The following FRMPD4 variants were observed in gnomAD, a reference collection of about 807,000 sequenced individuals.
FRMPD4 encodes FERM and PDZ domain-containing protein 4.
FRMPD4 carries 22 observed loss-of-function variants against 94.1 expected under a neutral mutation model. That is an observed-to-expected ratio of 0.23 (90% CI 0.17 to 0.33). The LOEUF is 0.33. FRMPD4 is among the 10% of genes least tolerant of loss of function. The pLI, the probability that FRMPD4 is intolerant of heterozygous loss-of-function variation, is 1.00. For synonymous variants in FRMPD4, 631 were observed against 548.6 expected, an observed-to-expected ratio of 1.15 and a Z score of -2.10; for missense variants, 1,111 against 1,339.9, an observed-to-expected ratio of 0.83 and a Z score of 2.67.
At position 12,724,378 on chromosome X, in the gene FRMPD4, T is replaced by G. The variant is rs953757684; in HGVS notation, c.*2520T>G. ...GGCTCCTAACTGGGGTCCAGGTCCA[T>G]AGAGTGTAGGAAGAACATATTAGAA... On this transcript the variant is annotated 3_prime_UTR_variant, in exon 17 of 17. Transcript: ENST00000675598. The G allele has an allele frequency of 1.8e-5, 2 of 112,199 alleles. No individual in the cohort carries two copies. Among genetic ancestry groups the G allele is most frequent in the Non-Finnish European group, 3.8e-5 (2 of 53,208 alleles). The allele number at this position is 112,199 out of a possible 1,213,427, so 9.2% of individuals were successfully genotyped here.
At chrX:11,966,596 C>A (rs946770580) in intron 3 of FRMPD4, among the ~76,000 whole-genome samples, 3 of 111,577 alleles carry the variant, frequency 2.7e-5, no homozygotes, top group Non-Finnish European at 5.6e-5. Context: ...GAAAAGATAA[C>A]ATGGTTGTGT....
chrX:12,613,216 G>C (rs752302541), intron 3 of FRMPD4, among the ~76,000 whole-genome samples: 5 of 112,024 alleles, frequency 4.5e-5, no homozygotes, highest in Non-Finnish European at 9.4e-5. Flanking sequence ...GCTTAATTCA[G>C]GTAATTGTTT....
At chrX:12,638,059 G>A (rs1356067439) in intron 4 of FRMPD4, among the ~76,000 whole-genome samples, 2 of 111,364 alleles carry the variant, frequency 1.8e-5, no homozygotes, top group Non-Finnish European at 3.8e-5. Context: ...TTCTTCTATT[G>A]TTTAACGTGA....
rs752688294 is a variant in FRMPD4, at chrX:12,710,438, C to A, written c.1510C>A (p.Leu504Met). ...LLMESSDAMN[L>M]ACLTAGYYRL... ...GATGGAATCCTCAGATGCCATGAAC[C>A]TGGCCTGCTTGACGGCTGGATACTA... The change falls in exon 14 of 17, where the codon CTG becomes ATG. Residue 504 changes from leucine to methionine, a missense_variant. Around this residue, in one of 8 missense-constraint regions of FRMPD4, gnomAD observed 111 missense variants for 160.7 expected, o/e 0.69. Coordinates refer to ENST00000675598, the MANE Select transcript of FRMPD4 (RefSeq NM_001368397.1). The A allele has an allele frequency of 8.3e-7, 1 of 1,201,436 alleles. No homozygotes were observed.
chrX:11,841,678 T>G (rs1433792489), intron 1 of FRMPD4, among the ~76,000 whole-genome samples: 1 of 110,007 alleles, frequency 9.1e-6, no homozygotes, highest in Non-Finnish European at 1.9e-5. Context: ...TTGCGAAAAT[T>G]TTCTCCCATG....
At chrX:12,693,239 TG>T (rs2060095242) in intron 8 of FRMPD4, among the ~76,000 whole-genome samples, 1 of 112,417 alleles carries the variant, frequency 8.9e-6, no homozygotes, top group African/African-American at 3.2e-5. Flanking sequence ...ACAACTGTGT[TG>T]GTTCATGCTG....
At chrX:12,642,843 C>T (rs1156992492) in intron 4 of FRMPD4, among the ~76,000 whole-genome samples, 2 of 112,125 alleles carry the variant, frequency 1.8e-5, no homozygotes, top group Admixed American at 9.4e-5. Flanking sequence ...GTCTAGGCTG[C>T]ATTGAGCTGT....
At chrX:12,285,421 T>G (rs112885341) in intron 1 of FRMPD4, among the ~76,000 whole-genome samples, 1,775 of 111,765 alleles carry the variant, frequency 0.016, 36 homozygotes, top group African/African-American at 0.055. Context: ...ATTCTGGGAC[T>G]GTTATTTGAT....
rs750876979 is a variant in FRMPD4 at position 12,706,724 on chromosome X, T to TA, written c.1198-98dup. On this transcript the variant is annotated intron_variant, in intron 11 of 16. Coordinates refer to ENST00000675598, the MANE Select transcript of FRMPD4 (RefSeq NM_001368397.1). ...TTGTCACATCTCAACTTTTCAGCCGTAAAATCATCCTTCTATCTTACACTT... is the reference window on the plus strand; with the variant it reads ...TTGTCACATCTCAACTTTTCAGCCGTAAAAATCATCCTTCTATCTTACACTT... 5.6e-3 allele frequency: 2,491 copies of TA among 441,851 alleles called. 10 individuals are homozygous for TA. The highest frequency in any genetic ancestry group is 6.9e-3 in the Non-Finnish European group (1,768 of 254,544). 36.4% of individuals were successfully genotyped at this position (441,851 alleles called of 1,213,427 possible).
intron 1 of FRMPD4, among the ~76,000 whole-genome samples, chrX:12,443,797 T>TG: frequency 8.9e-6 from 1 of 112,051 alleles, no homozygotes; most frequent in Non-Finnish European, 1.9e-5. Context: ...TTGCTTTTTG[T>TG]GGAAAAAAAC....
chrX:12,676,139 A>C (rs1389266739), intron 5 of FRMPD4, among the ~76,000 whole-genome samples: 1 of 112,291 alleles, frequency 8.9e-6, no homozygotes, highest in Non-Finnish European at 1.9e-5. Flanking sequence ...AGGCCCCAGG[A>C]TGTTAGAGAA....
intron 8 of FRMPD4, 58 bp downstream of exon 8, chrX:12,690,384 G>C: frequency 3.8e-6 from 4 of 1,056,066 alleles, no homozygotes; most frequent in Non-Finnish European, 5.2e-6. Flanking sequence ...AGGTTGCCCA[G>C]TCCAAGATTT....
chrX:12,425,904 T>G (rs145124848), intron 1 of FRMPD4, among the ~76,000 whole-genome samples: 1,336 of 112,052 alleles, frequency 0.012, 23 homozygotes, highest in African/African-American at 0.039. Flanking sequence ...ATTAGAGTGA[T>G]GAGAATTGTG....
chrX:12,133,280 C>T (rs1289359559), intron 3 of FRMPD4, among the ~76,000 whole-genome samples: 1 of 108,689 alleles, frequency 9.2e-6, no homozygotes, highest in East Asian at 2.9e-4. Context: ...CTATGTTACC[C>T]AGGCTGGTCT....
intron 3 of FRMPD4, among the ~76,000 whole-genome samples, chrX:11,896,329 G>A (rs761591215): frequency 6.2e-5 from 7 of 112,311 alleles, no homozygotes; most frequent in African/African-American, 2.3e-4. Flanking sequence ...TGATCTGAAT[G>A]TTTATGTCCC....
At chrX:12,407,775 A>G (rs2056683764) in intron 1 of FRMPD4, among the ~76,000 whole-genome samples, 1 of 111,841 alleles carries the variant, frequency 8.9e-6, no homozygotes, top group African/African-American at 3.2e-5. Flanking sequence ...GACAATATGT[A>G]CATGAGTGAG....
At chrX:12,374,662 G>A (rs1278205585) in intron 1 of FRMPD4, among the ~76,000 whole-genome samples, 1 of 112,027 alleles carries the variant, frequency 8.9e-6, no homozygotes, top group Non-Finnish European at 1.9e-5. Flanking sequence ...TAAGATTAGG[G>A]TGAGGGTAGG....
intron 1 of FRMPD4, among the ~76,000 whole-genome samples, chrX:12,306,207 A>C (rs2054940854): frequency 1.8e-5 from 2 of 111,485 alleles, no homozygotes; most frequent in African/African-American, 6.5e-5. Context: ...AATCAGAAGT[A>C]CTGTACTGAT....
chrX:12,321,857 A>G (rs1229862833), intron 1 of FRMPD4, among the ~76,000 whole-genome samples: 1 of 112,052 alleles, frequency 8.9e-6, no homozygotes, highest in Non-Finnish European at 1.9e-5. Flanking sequence ...TCACACTTGT[A>G]TAAATTCAAT....
Sources: allele counts gnomAD v4.1 joint callset (sites outside exome capture counted in the v4.1 genomes callset), GRCh38; gene constraint gnomAD v4.1.1; regional missense constraint gnomAD v4.1.1; transcripts MANE v1.5; gene names NCBI Gene and HGNC (gene_info 2026-07-23, HGNC 2026-07-21).